The following INPP4B variants were observed in gnomAD, a reference collection of about 807,000 sequenced individuals.
The protein encoded by INPP4B is inositol polyphosphate 4-phosphatase type II.
Under a neutral mutation model 122.5 loss-of-function variants are expected in INPP4B, and 55 were observed. The ratio of observed to expected loss-of-function variants is 0.45; its 90% CI spans 0.36 to 0.56. The LOEUF (loss-of-function observed/expected upper bound fraction) is 0.56. Ranked by LOEUF, INPP4B falls within the 20% of genes least tolerant of loss-of-function variation. The pLI is 0.00. For synonymous variants in INPP4B, 403 were observed against 388.7 expected, an observed-to-expected ratio of 1.04 and a Z score of -0.43; for missense variants, 1,000 against 1,097.7, an observed-to-expected ratio of 0.91 and a Z score of 1.26.
At chr4:142,097,232 T>TTTATG (rs1782276332) in intron 23 of INPP4B, among the ~76,000 whole-genome samples, 2 of 144,492 alleles carry the variant, frequency 1.4e-5, no homozygotes, top group Non-Finnish European at 3.1e-5. Flanking sequence ...TTATTTTTAT[T>TTTATG]TTATTTTATT....
chr4:142,330,889 A>T (rs1406889062), intron 7 of INPP4B, among the ~76,000 whole-genome samples: 1 of 152,192 alleles, frequency 6.6e-6, no homozygotes, highest in Non-Finnish European at 1.5e-5. Context: ...AAACTACTTA[A>T]ATCTAAGTGC....
chr4:142,095,107 C>A (rs1781261790), intron 23 of INPP4B, among the ~76,000 whole-genome samples: 1 of 152,166 alleles, frequency 6.6e-6, no homozygotes. Flanking sequence ...TTCCGACCCA[C>A]TTGATAAAGA....
At chr4:142,559,612 T>C (rs933903246) in intron 2 of INPP4B, among the ~76,000 whole-genome samples, 1 of 152,184 alleles carries the variant, frequency 6.6e-6, no homozygotes, top group Non-Finnish European at 1.5e-5. Context: ...TTTTTATCAA[T>C]ATTGTGATTT....
intron 9 of INPP4B, among the ~76,000 whole-genome samples, chr4:142,278,094 C>T (rs1749478256): frequency 6.6e-6 from 1 of 151,860 alleles, no homozygotes; most frequent in Admixed American, 6.6e-5. Context: ...TCATGATCTG[C>T]CCATTGGGTT....
At chr4:142,838,053 T>G (rs1446106866) in intron 1 of INPP4B, among the ~76,000 whole-genome samples, 1 of 151,054 alleles carries the variant, frequency 6.6e-6, no homozygotes, top group East Asian at 1.9e-4. Flanking sequence ...TTTTAAGTAT[T>G]TATTGCTGTG....
At chr4:142,494,090 A>C (rs1267626406) in intron 2 of INPP4B, among the ~76,000 whole-genome samples, 1 of 152,110 alleles carries the variant, frequency 6.6e-6, no homozygotes, top group Admixed American at 6.6e-5. Context: ...TGCCATTTGA[A>C]GAAGAACATG....
intron 2 of INPP4B, among the ~76,000 whole-genome samples, chr4:142,644,071 G>T (rs1446188838): frequency 6.6e-6 from 1 of 151,956 alleles, no homozygotes; most frequent in East Asian, 1.9e-4. Context: ...TGTGGTGGCA[G>T]GTGCCTATAG....
chr4:142,466,458 G>C (rs568416677), intron 2 of INPP4B, among the ~76,000 whole-genome samples: 144 of 152,244 alleles, frequency 9.5e-4, no homozygotes, highest in African/African-American at 3.3e-3. Flanking sequence ...TATGTGATCT[G>C]GTTGTTTCTA....
intron 1 of INPP4B, among the ~76,000 whole-genome samples, chr4:142,834,880 T>C (rs1277561982): frequency 6.6e-6 from 1 of 152,190 alleles, no homozygotes; most frequent in African/African-American, 2.4e-5. Flanking sequence ...TCTTGTTGCT[T>C]CAAACACTCA....
At chr4:142,346,348 C>G (rs1392411877) in intron 7 of INPP4B, among the ~76,000 whole-genome samples, 1 of 151,830 alleles carries the variant, frequency 6.6e-6, no homozygotes, top group African/African-American at 2.4e-5. Context: ...TCTATCACTG[C>G]ATAGTTTAAG....
At chr4:142,244,068 C>G (rs940263143) in intron 11 of INPP4B, among the ~76,000 whole-genome samples, 2 of 151,772 alleles carry the variant, frequency 1.3e-5, no homozygotes, top group Non-Finnish European at 2.9e-5. Context: ...CCTAGCCCCC[C>G]ACCCCCTGAC....
chr4:142,347,680 C>A, intron 7 of INPP4B: 1 of 312,676 alleles, frequency 3.2e-6, no homozygotes, highest in Non-Finnish European at 6.1e-6. Flanking sequence ...TAAATAATTT[C>A]TATGTAAACT....
chr4:142,792,971 A>C (rs115591340), intron 1 of INPP4B, among the ~76,000 whole-genome samples: 2,044 of 152,098 alleles, frequency 0.013, 42 homozygotes, highest in African/African-American at 0.047. Flanking sequence ...AGACATTGGC[A>C]ACCAAACTCA....
rs61694410 is a variant in INPP4B, at chr4:142,263,680, A to ATATATATATATATATATATATATATG, written c.616-3117_616-3116insCATATATATATATATATATATATATA. Among the ~76,000 whole-genome samples the ATATATATATATATATATATATATATG allele has an allele frequency of 9.8e-5, 8 of 81,968 alleles. 1 individual carries two copies. The highest frequency in any genetic ancestry group is 5.0e-4 in the South Asian group (1 of 1,992). The allele number at this position is 81,968 out of a possible 152,430, so 53.8% of individuals were successfully genotyped here. On this transcript the variant is annotated intron_variant, in intron 10 of 25. Coordinates refer to ENST00000262992, the MANE Select transcript of INPP4B (RefSeq NM_001101669.3). ...TATATATATATATATATATATATAT[A>ATATATATATATATATATATATATATG]ACATTGAACAATGACAAGTACTAAT... is the stretch of plus-strand genomic sequence containing the variant.
At chr4:142,311,356 C>T (rs1195723460) in intron 8 of INPP4B, among the ~76,000 whole-genome samples, 1 of 152,114 alleles carries the variant, frequency 6.6e-6, no homozygotes, top group African/African-American at 2.4e-5. Context: ...GAAATCTTAC[C>T]TGCCATTTTG....
chr4:142,167,368 A>T (rs1823293662), intron 16 of INPP4B, among the ~76,000 whole-genome samples: 1 of 151,842 alleles, frequency 6.6e-6, no homozygotes, highest in African/African-American at 2.4e-5. Context: ...CAGGGAGGGG[A>T]AAAACACATA....
At chr4:142,384,572 A>C (rs1029494145) in intron 7 of INPP4B, among the ~76,000 whole-genome samples, 1 of 152,228 alleles carries the variant, frequency 6.6e-6, no homozygotes, top group African/African-American at 2.4e-5. Context: ...GTCTTATAGG[A>C]TCACCATTGA....
rs201853173 is a variant in INPP4B, at chr4:142,720,222, C to CA, written c.-191+5616dup. Among the ~76,000 whole-genome samples, 167 of 151,666 alleles carry CA rather than the reference C, an allele frequency of 1.1e-3. 2 individuals carry two copies. Among genetic ancestry groups the CA allele is most frequent in the Non-Finnish European group, 8.5e-4 (58 of 67,848 alleles). On this transcript the variant is annotated intron_variant, in intron 2 of 25. Transcript: ENST00000262992. The stretch of plus-strand genomic sequence containing the variant: ...GCCTGCACTCCTACTCTTTGTACGG[C>CA]AAAAAAAATAGTTCTTAAACTTTCA...
chr4:142,240,205 T>C (rs896982725), intron 11 of INPP4B, among the ~76,000 whole-genome samples: 2 of 151,888 alleles, frequency 1.3e-5, no homozygotes, highest in Admixed American at 6.6e-5. Flanking sequence ...TTTTTTTCTT[T>C]TCTTTTTTTG....
Sources: allele counts gnomAD v4.1 joint callset (sites outside exome capture counted in the v4.1 genomes callset), GRCh38; gene constraint gnomAD v4.1.1; transcripts MANE v1.5; gene names NCBI Gene and HGNC (gene_info 2026-07-23, HGNC 2026-07-21).